CNIH3: variants seen among roughly 807,000 people sequenced by gnomAD.
CNIH3 encodes cornichon family AMPA receptor auxiliary protein 3.
CNIH3 carries 14 observed loss-of-function variants against 24.1 expected under a neutral mutation model. That is an observed-to-expected ratio of 0.58 (90% CI 0.38 to 0.91). The LOEUF is 0.91. Among genes scored for constraint, CNIH3 ranks in the 40% least tolerant of loss-of-function variants. The pLI is 0.00. For missense variants in CNIH3, 178 were observed against 196.8 expected (o/e 0.90, Z 0.57); for synonymous variants, 68 against 73.8 (o/e 0.92, Z 0.40).
At chr1:224,691,234 G>C (rs1686916134) in intron 3 of CNIH3, among the ~76,000 whole-genome samples, 1 of 151,374 alleles carries the variant, frequency 6.6e-6, no homozygotes, top group Non-Finnish European at 1.5e-5. Flanking sequence ...CCAAAGATGG[G>C]GCCCTTCCCA....
intron 1 of CNIH3, among the ~76,000 whole-genome samples, chr1:224,463,491 C>T (rs1235200076): frequency 1.3e-5 from 2 of 151,834 alleles, no homozygotes; most frequent in Non-Finnish European, 2.9e-5. Flanking sequence ...TCACAGCAAC[C>T]TCTGCCTCCC....
At chr1:224,694,811 A>G (rs573288518) in intron 3 of CNIH3, among the ~76,000 whole-genome samples, 9 of 152,348 alleles carry the variant, frequency 5.9e-5, no homozygotes, top group Admixed American at 5.2e-4. Context: ...ACTGGAGGCC[A>G]TTATTCTAAG....
In CNIH3 at chr1:224,531,838, A is replaced by G. The variant is rs1055841678; in HGVS notation, n.344-5098A>G. Reference sequence around the variant, plus strand: ...GGCAGATGAGAGACAATTGGCACAAATAAAACAAACGAAGTGGAGGAAGTC... The same window carrying G: ...GGCAGATGAGAGACAATTGGCACAAGTAAAACAAACGAAGTGGAGGAAGTC... On this transcript the variant is annotated intron_variant and non_coding_transcript_variant, in intron 2 of 2. Transcript: ENST00000470602. Among the ~76,000 whole-genome samples the G allele has an allele frequency of 9.2e-5, 14 of 152,194 alleles. 1 individual carries two copies. The highest frequency in any genetic ancestry group is 6.5e-5 in the Admixed American group (1 of 15,284).
intron 1 of CNIH3, among the ~76,000 whole-genome samples, chr1:224,444,961 G>A (rs1180927975): frequency 2.1e-5 from 3 of 141,940 alleles, no homozygotes; most frequent in South Asian, 2.3e-4. Context: ...TTTTTTTTTA[G>A]TAAACATCTT....
intron 3 of CNIH3, among the ~76,000 whole-genome samples, chr1:224,600,190 ATTT>A (rs774919398): frequency 3.0e-5 from 4 of 134,862 alleles, no homozygotes; most frequent in Non-Finnish European, 1.6e-5. Context: ...TCTCATCTAC[ATTT>A]TTTTTTTTTT....
At chr1:224,737,674 G>A (rs1689663489) in intron 5 of CNIH3, among the ~76,000 whole-genome samples, 1 of 152,196 alleles carries the variant, frequency 6.6e-6, no homozygotes, top group Non-Finnish European at 1.5e-5. Context: ...GGGGAAGACG[G>A]GGTTGATAGT....
chr1:224,527,611 C>T (rs939162651), intron 2 of CNIH3, among the ~76,000 whole-genome samples: 8 of 151,978 alleles, frequency 5.3e-5, no homozygotes, highest in African/African-American at 1.9e-4. Context: ...GAATCTTATG[C>T]AGAATTTTAT....
rs956120755 is a variant in CNIH3, at chr1:224,604,445, A to G, written n.402+38181A>G. 6.6e-6 allele frequency among the ~76,000 whole-genome samples: 1 copy of G among 152,196 alleles called. No homozygotes were observed. Among genetic ancestry groups the G allele is most frequent in the Non-Finnish European group, 1.5e-5 (1 of 68,042 alleles). On this transcript the variant is annotated intron_variant and non_coding_transcript_variant, in intron 3 of 7. Coordinates refer to the CNIH3 transcript ENST00000478120. This position sits in a 1 kb window ranked among gnomAD's most constrained non-coding sequence, Gnocchi z 4.4. ...AGATAATGCCTTTGCCAACAGTCAGAGGGAAGTGAGAAGCAGCTTCCTGTG... is the reference window on the plus strand; with the variant it reads ...AGATAATGCCTTTGCCAACAGTCAGGGGGAAGTGAGAAGCAGCTTCCTGTG...
intron 1 of CNIH3, among the ~76,000 whole-genome samples, chr1:224,500,973 C>T (rs958327856): frequency 1.3e-5 from 2 of 152,236 alleles, no homozygotes; most frequent in Non-Finnish European, 2.9e-5. Context: ...CATGCCTCCC[C>T]TTCTGCCACT....
At chr1:224,659,501 G>GGTAAA in intron 1 of CNIH3, among the ~76,000 whole-genome samples, 1 of 124,860 alleles carries the variant, frequency 8.0e-6, no homozygotes, top group East Asian at 2.7e-4. Flanking sequence ...AGCTCATTTA[G>GGTAAA]ATAACCTGAA....
At chr1:224,451,085 G>A (rs1442550933) in intron 1 of CNIH3, among the ~76,000 whole-genome samples, 1 of 152,194 alleles carries the variant, frequency 6.6e-6, no homozygotes, top group Non-Finnish European at 1.5e-5. Flanking sequence ...CCTTTGTGCA[G>A]GGCAAAGCCA....
At chr1:224,634,100 C>T (rs1049172337) in intron 1 of CNIH3, among the ~76,000 whole-genome samples, 3 of 152,184 alleles carry the variant, frequency 2.0e-5, no homozygotes, top group African/African-American at 7.2e-5. Context: ...CTACCCACCG[C>T]CCCTTAGGAA....
At chr1:224,673,603 C>T (rs931231620) in intron 1 of CNIH3, among the ~76,000 whole-genome samples, 6 of 152,182 alleles carry the variant, frequency 3.9e-5, no homozygotes, top group Non-Finnish European at 5.9e-5. Context: ...TCTCTACTCC[C>T]GATTCTGTTT....
At chr1:224,487,153 A>G (rs1677061990) in intron 1 of CNIH3, among the ~76,000 whole-genome samples, 1 of 152,220 alleles carries the variant, frequency 6.6e-6, no homozygotes, top group African/African-American at 2.4e-5. Context: ...TAAATTTATG[A>G]TTCCAGGCAT....
Position 224,684,702 on chromosome 1 carries a change from C to A in CNIH3, c.151-94C>A. Reference sequence around the variant, plus strand: ...CAGGAGGGGTCTCTGGTGGCTTCTGCCTCCACTATTGGGGCTGATTGCGGG... The same window carrying A: ...CAGGAGGGGTCTCTGGTGGCTTCTGACTCCACTATTGGGGCTGATTGCGGG... On this transcript the variant is annotated intron_variant, in intron 2 of 5. Coordinates refer to ENST00000272133, the MANE Select transcript of CNIH3 (RefSeq NM_152495.2). This position sits in a 1 kb window ranked among gnomAD's most constrained non-coding sequence, Gnocchi z 4.2. The A allele has an allele frequency of 1.8e-6, 2 of 1,136,430 alleles. No individual in the cohort carries two copies. Among genetic ancestry groups the A allele is most frequent in the Non-Finnish European group, 2.7e-6 (2 of 747,250 alleles). The allele number at this position is 1,136,430 out of a possible 1,614,324, so 70.4% of individuals were successfully genotyped here. A position where few individuals can be genotyped will look rare whatever the true frequency, so the allele number is the denominator to read the frequency against.
chr1:224,501,295 A>G (rs544106567), intron 1 of CNIH3, among the ~76,000 whole-genome samples: 3 of 152,230 alleles, frequency 2.0e-5, no homozygotes, highest in South Asian at 4.1e-4. Context: ...CAATAATACT[A>G]TCATTATTGA....
chr1:224,446,982 A>G (rs1261407353), intron 1 of CNIH3, among the ~76,000 whole-genome samples: 1 of 152,076 alleles, frequency 6.6e-6, no homozygotes, highest in African/African-American at 2.4e-5. Flanking sequence ...AGTCCTTTGG[A>G]GGATGGTATA....
intron 3 of CNIH3, among the ~76,000 whole-genome samples, chr1:224,706,814 C>T (rs1687835044): frequency 6.6e-6 from 1 of 152,144 alleles, no homozygotes. Flanking sequence ...TGATACCATT[C>T]ACCTTTATTT....
chr1:224,686,459 G>A (rs900890451), intron 3 of CNIH3, among the ~76,000 whole-genome samples: 7 of 152,144 alleles, frequency 4.6e-5, no homozygotes, highest in Non-Finnish European at 7.3e-5. Context: ...TAGTGCCCCA[G>A]TAAACATACG....
Sources: gnomAD v4.1 joint callset for allele counts (sites outside exome capture counted in the v4.1 genomes callset) on GRCh38, gnomAD v4.1.1 for gene constraint, Gnocchi (gnomAD v3.1) non-coding constraint, MANE v1.5 for transcripts, NCBI Gene and HGNC (gene_info 2026-07-23, HGNC 2026-07-21) for gene names.